The following FBXL20 variants were observed in gnomAD, a reference collection of about 807,000 sequenced individuals.
FBXL20 encodes F-box and leucine rich repeat protein 20.
In FBXL20, 11 loss-of-function variants were observed where a neutral mutation model predicts 64.0. The ratio of observed to expected loss-of-function variants is 0.17; its 90% CI spans 0.11 to 0.28. The LOEUF (loss-of-function observed/expected upper bound fraction) is 0.28, where lower values mean the gene tolerates loss of function less well. Among genes scored for constraint, FBXL20 ranks in the 10% least tolerant of loss-of-function variants. The pLI is 1.00. For missense variants in FBXL20, 303 were observed against 526.2 expected (o/e 0.58, Z 4.15); for synonymous variants, 184 against 189.0 (o/e 0.97, Z 0.22).
At chr17:39,382,391 C>T (rs1360986490) in intron 1 of FBXL20, among the ~76,000 whole-genome samples, 2 of 148,972 alleles carry the variant, frequency 1.3e-5, no homozygotes, top group African/African-American at 5.0e-5. Flanking sequence ...TGCAGTGAGC[C>T]CAGATCGCGC....
chr17:39,374,114 A>AGTCCCAGCTAAGGCAGG (rs2047943772), intron 1 of FBXL20, among the ~76,000 whole-genome samples: 1 of 116,782 alleles, frequency 8.6e-6, no homozygotes, highest in African/African-American at 3.7e-5. Flanking sequence ...AGTCCCAGCT[A>AGTCCCAGCTAAGGCAGG]CTCAGGAGGC....
chr17:39,355,320 G>A (rs1295059112), intron 1 of FBXL20, among the ~76,000 whole-genome samples: 2 of 151,540 alleles, frequency 1.3e-5, no homozygotes, highest in African/African-American at 2.4e-5. Context: ...GAGCCCCTAA[G>A]GTTGAGAACA....
chr17:39,268,401 AT>A (rs1185787328), intron 12 of FBXL20, among the ~76,000 whole-genome samples: 1 of 152,124 alleles, frequency 6.6e-6, no homozygotes, highest in East Asian at 1.9e-4. Context: ...TAATCAGGAG[AT>A]CAGTTTGGCT....
intron 2 of FBXL20, among the ~76,000 whole-genome samples, chr17:39,317,375 G>C (rs1315862783): frequency 1.3e-5 from 2 of 152,040 alleles, no homozygotes; most frequent in Admixed American, 1.3e-4. Flanking sequence ...GGGATTACAG[G>C]CATGTGCCAC....
At chr17:39,313,664 T>G (rs2144491209) in intron 2 of FBXL20, among the ~76,000 whole-genome samples, 1 of 149,632 alleles carries the variant, frequency 6.7e-6, no homozygotes, top group East Asian at 2.1e-4. Flanking sequence ...AGACGGAGTT[T>G]TGCTCTTGTT....
intron 1 of FBXL20, among the ~76,000 whole-genome samples, chr17:39,379,987 A>G (rs1038802263): frequency 7.2e-5 from 11 of 151,990 alleles, no homozygotes; most frequent in African/African-American, 2.4e-5. Flanking sequence ...CTCAACAAAG[A>G]AATTAGAAAT....
Position 39,401,496 on chromosome 17 carries a change from C to A in FBXL20, c.-94G>T. On this transcript the variant is annotated 5_prime_UTR_variant, in exon 1 of 15. Coordinates refer to ENST00000264658, the MANE Select transcript of FBXL20 (RefSeq NM_032875.3). ...AGGCCCGGGAGTTCCGGGACGGGGA[C>A]TGGGCGCCGGAGGGGTGACGCCGGG... The A allele has an allele frequency of 6.6e-7, 1 of 1,504,226 alleles. No individual in the cohort carries two copies. The highest frequency in any genetic ancestry group is 1.3e-5 in the South Asian group (1 of 78,598). 93.2% of individuals were successfully genotyped at this position (1,504,226 alleles called of 1,614,324 possible).
At chr17:39,315,571 C>A (rs1316566470) in intron 2 of FBXL20, among the ~76,000 whole-genome samples, 2 of 151,446 alleles carry the variant, frequency 1.3e-5, no homozygotes, top group Non-Finnish European at 1.5e-5. Flanking sequence ...ACGTCGGAGT[C>A]CAAGCAGAGT....
chr17:39,296,568 A>G (rs1457112415), intron 6 of FBXL20, among the ~76,000 whole-genome samples: 1 of 151,240 alleles, frequency 6.6e-6, no homozygotes, highest in Non-Finnish European at 1.5e-5. Context: ...TCAAAAAAAA[A>G]AAAAAAAAAA....
chr17:39,302,783 T>G (rs1263428599), intron 3 of FBXL20, among the ~76,000 whole-genome samples: 1 of 152,162 alleles, frequency 6.6e-6, no homozygotes, highest in African/African-American at 2.4e-5. Flanking sequence ...ATGAAGGGAT[T>G]ATAGGTGTGA....
chr17:39,389,104 C>CA (rs752930971), intron 1 of FBXL20, among the ~76,000 whole-genome samples: 1,175 of 51,282 alleles, frequency 0.023, 30 homozygotes, highest in African/African-American at 0.035. Flanking sequence ...AACTCCATCT[C>CA]AAAAAAAAAA....
intron 1 of FBXL20, among the ~76,000 whole-genome samples, chr17:39,381,502 C>T (rs2048023084): frequency 1.5e-5 from 2 of 136,582 alleles, no homozygotes; most frequent in African/African-American, 5.5e-5. Context: ...AAAAAAAAGG[C>T]TGAATAAAGC....
intron 2 of FBXL20, among the ~76,000 whole-genome samples, chr17:39,320,987 T>G (rs2047350392): frequency 6.6e-6 from 1 of 152,244 alleles, no homozygotes; most frequent in African/African-American, 2.4e-5. Context: ...TTTTTATGAT[T>G]GCATTTGCTA....
In FBXL20 at chr17:39,254,189, T is replaced by A. The variant is rs1316708764; in HGVS notation, c.*7271A>T. 1 of 152,284 alleles carries A rather than the reference T, an allele frequency of 6.6e-6. No individual in the cohort carries two copies. The highest frequency in any genetic ancestry group is 2.4e-5 in the African/African-American group (1 of 41,460). The allele number at this position is 152,284 out of a possible 1,614,324, so 9.4% of individuals were successfully genotyped here. A position where few individuals can be genotyped will look rare whatever the true frequency, so the allele number is the denominator to read the frequency against. The stretch of plus-strand genomic sequence containing the variant: ...GCCTCCCAGGTTCAAGTGATTCTCT[T>A]GCCTCAGCCTCCCAAGTAGCTGGGA... On this transcript the variant is annotated 3_prime_UTR_variant, in exon 15 of 15. Coordinates refer to ENST00000264658, the MANE Select transcript of FBXL20 (RefSeq NM_032875.3).
chr17:39,349,615 C>T (rs1463941300), intron 1 of FBXL20, among the ~76,000 whole-genome samples: 1 of 151,962 alleles, frequency 6.6e-6, no homozygotes, highest in Admixed American at 6.6e-5. Flanking sequence ...AAATTCCACA[C>T]CTGACCTCTT....
chr17:39,395,193 G>A (rs1431591832), intron 1 of FBXL20, among the ~76,000 whole-genome samples: 2 of 152,214 alleles, frequency 1.3e-5, no homozygotes, highest in Non-Finnish European at 2.9e-5. Context: ...GGGAGGCCGA[G>A]GTGGGCAGAT....
intron 2 of FBXL20, among the ~76,000 whole-genome samples, chr17:39,319,256 AAGAG>A (rs908594885): frequency 5.3e-5 from 8 of 152,172 alleles, no homozygotes; most frequent in South Asian, 2.1e-4. Context: ...TCAAAAAAAA[AAGAG>A]AGAGAGAGAA....
intron 6 of FBXL20, among the ~76,000 whole-genome samples, chr17:39,294,448 T>C (rs1482678337): frequency 6.6e-6 from 1 of 151,806 alleles, no homozygotes; most frequent in East Asian, 1.9e-4. Flanking sequence ...CCTGGCTAAT[T>C]TTTTGTATTT....
At chr17:39,262,910 G>A (rs2046759848) in intron 14 of FBXL20, among the ~76,000 whole-genome samples, 1 of 152,022 alleles carries the variant, frequency 6.6e-6, no homozygotes, top group African/African-American at 2.4e-5. Flanking sequence ...GCTGAGTCAG[G>A]AGAATAGCGT....
Sources: gnomAD v4.1 joint callset for allele counts (sites outside exome capture counted in the v4.1 genomes callset) on GRCh38, gnomAD v4.1.1 for gene constraint, MANE v1.5 for transcripts, NCBI Gene and HGNC (gene_info 2026-07-23, HGNC 2026-07-21) for gene names.